GSDMC: variants seen among roughly 807,000 people sequenced by gnomAD.
GSDMC encodes gasdermin C.
GSDMC carries 59 observed loss-of-function variants against 58.0 expected under a neutral mutation model. That is an observed-to-expected ratio of 1.02 (90% CI 0.82 to 1.26). GSDMC has a LOEUF of 1.26. Among genes scored for constraint, GSDMC ranks in the 50% most tolerant of loss-of-function variants. GSDMC has a pLI of 0.00. For synonymous variants in GSDMC, 241 were observed against 220.2 expected (o/e 1.09, Z -0.83); for missense variants, 659 against 598.5 (o/e 1.10, Z -1.06).
the GSDMC span, chr8:129,729,928 T>C: frequency 6.9e-7 from 1 of 1,450,276 alleles, no homozygotes; most frequent in Non-Finnish European, 9.7e-7. Flanking sequence ...GATTTGAGAA[T>C]CAACACTAAG....
At chr8:129,734,806 A>C in the GSDMC span, among the ~76,000 whole-genome samples, 1 of 152,322 alleles carries the variant, frequency 6.6e-6, no homozygotes, top group South Asian at 2.1e-4. Context: ...AAATTCACAC[A>C]TAAAAATATT....
Position 129,748,758 on chromosome 8 carries a change from A to T in GSDMC, c.1288-18T>A. Reference sequence around the variant, plus strand: ...CTCCTTACCTAGAAGAAAGATGATCAGGTTCTACAGACCAGCCTTTAAGAT... The same window carrying T: ...CTCCTTACCTAGAAGAAAGATGATCTGGTTCTACAGACCAGCCTTTAAGAT... On this transcript the variant is annotated intron_variant, in intron 13 of 13. Coordinates refer to ENST00000276708, the MANE Select transcript of GSDMC (RefSeq NM_031415.3). 1.3e-6 allele frequency: 2 copies of T among 1,496,502 alleles called. No homozygotes were observed. The highest frequency in any genetic ancestry group is 1.8e-6 in the Non-Finnish European group (2 of 1,124,600). 92.7% of individuals were successfully genotyped at this position (1,496,502 alleles called of 1,614,324 possible).
At chr8:129,752,561 C>A in intron 7 of GSDMC, 137 bp downstream of exon 7, 1 of 1,327,224 alleles carries the variant, frequency 7.5e-7, no homozygotes, top group South Asian at 1.5e-5. Flanking sequence ...AAAACACTGC[C>A]AGAGGAGGAT....
At chr8:129,775,138 C>T (rs1563810941) in intron 3 of GSDMC, among the ~76,000 whole-genome samples, 1 of 152,148 alleles carries the variant, frequency 6.6e-6, no homozygotes, top group Non-Finnish European at 1.5e-5. Context: ...GCATTATTCA[C>T]AGAAACCAAG....
the GSDMC span, among the ~76,000 whole-genome samples, chr8:129,739,416 C>T: frequency 1.3e-5 from 2 of 152,184 alleles, no homozygotes; most frequent in Admixed American, 6.5e-5. Flanking sequence ...TGTATCTCTC[C>T]TTTTGAGAAA....
At chr8:129,739,887 G>T in the GSDMC span, among the ~76,000 whole-genome samples, 1 of 152,140 alleles carries the variant, frequency 6.6e-6, no homozygotes, top group African/African-American at 2.4e-5. Context: ...AGAAAGCCTT[G>T]TTATCCTAGG....
chr8:129,782,584 T>C (rs1030752430), intron 1 of GSDMC, among the ~76,000 whole-genome samples: 1 of 152,144 alleles, frequency 6.6e-6, no homozygotes, highest in South Asian at 2.1e-4. Context: ...TGAGCAACTA[T>C]ACACCAATAA....
the GSDMC span, among the ~76,000 whole-genome samples, chr8:129,740,794 T>C: frequency 6.6e-6 from 1 of 152,180 alleles, no homozygotes; most frequent in Non-Finnish European, 1.5e-5. Flanking sequence ...ATCCATAGGT[T>C]GTCTCTTCAC....
At chr8:129,717,801 T>C in the GSDMC span, among the ~76,000 whole-genome samples, 1 of 152,120 alleles carries the variant, frequency 6.6e-6, no homozygotes, top group African/African-American at 2.4e-5. Flanking sequence ...CAAAACAGTA[T>C]AGTACTGGTA....
the GSDMC span, among the ~76,000 whole-genome samples, chr8:129,724,045 G>T: frequency 1.3e-5 from 2 of 152,188 alleles, no homozygotes; most frequent in African/African-American, 4.8e-5. Flanking sequence ...GGAAAGCCAG[G>T]CTTGCTGTAT....
At chr8:129,767,115 A>G (rs988787710) in intron 3 of GSDMC, among the ~76,000 whole-genome samples, 1 of 152,008 alleles carries the variant, frequency 6.6e-6, no homozygotes, top group Admixed American at 6.6e-5. Context: ...ATCCTTAACC[A>G]GTGGTATAGC....
intron 6 of GSDMC, among the ~76,000 whole-genome samples, chr8:129,753,360 C>T (rs1270771353): frequency 1.3e-5 from 2 of 151,800 alleles, no homozygotes; most frequent in African/African-American, 2.4e-5. Context: ...CATTCCAAGC[C>T]CTAGCTCCTG....
the GSDMC span, among the ~76,000 whole-genome samples, chr8:129,717,154 C>T: frequency 6.6e-6 from 1 of 151,880 alleles, no homozygotes; most frequent in South Asian, 2.1e-4. Flanking sequence ...GGAGGAGCCC[C>T]TCTTTTTCTA....
In GSDMC at chr8:129,749,064, T is replaced by C. The variant is rs796783667; in HGVS notation, c.1288-324A>G. ...GGTATGTATTTATATACACATATAC[T>C]TGGAGAGAGAAAAACAGAGAAATTA... On this transcript the variant is annotated intron_variant, in intron 13 of 13. Transcript: ENST00000276708. Among the ~76,000 whole-genome samples the C allele has an allele frequency of 2.6e-5, 4 of 152,322 alleles. No individual in the cohort carries two copies. The East Asian group carries it at 7.7e-4, about 29-fold the overall frequency.
the GSDMC span, chr8:129,729,422 T>C: frequency 5.7e-6 from 2 of 353,462 alleles, no homozygotes; most frequent in African/African-American, 4.3e-5. Flanking sequence ...TAACTCATCA[T>C]TTACATTAGG....
the GSDMC span, among the ~76,000 whole-genome samples, chr8:129,718,332 AAAAC>A: frequency 2.0e-5 from 3 of 152,218 alleles, no homozygotes; most frequent in African/African-American, 7.2e-5. Context: ...TTACAAGAAA[AAAAC>A]AAACAACCCC....
At chr8:129,782,854 T>C (rs527302995) in intron 1 of GSDMC, among the ~76,000 whole-genome samples, 2 of 151,970 alleles carry the variant, frequency 1.3e-5, no homozygotes, top group South Asian at 4.1e-4. Context: ...TCCAAACTCA[T>C]TCTATGAGGC....
chr8:129,747,941 T>C (rs1175031615), downstream of GSDMC, among the ~76,000 whole-genome samples: 2 of 147,304 alleles, frequency 1.4e-5, no homozygotes, highest in Non-Finnish European at 3.1e-5. Flanking sequence ...TTGAGGAATA[T>C]GCACATACAC....
rs768709473 is a variant in GSDMC at position 129,762,750 on chromosome 8, C to G, written c.571-19G>C. 2 of 1,494,714 alleles carry G rather than the reference C, an allele frequency of 1.3e-6. No homozygotes were observed. The highest frequency in any genetic ancestry group is 2.8e-5 in the African/African-American group (2 of 72,582). The allele number at this position is 1,494,714 out of a possible 1,614,324, so 92.6% of individuals were successfully genotyped here. On this transcript the variant is annotated intron_variant, in intron 4 of 13. Coordinates refer to ENST00000276708, the MANE Select transcript of GSDMC (RefSeq NM_031415.3). ...CTTGACCCTGGGGAGAGAAACCAGA[C>G]AATACAGTATTAAATGTATGTAATT...
Sources: gnomAD v4.1 joint callset for allele counts (sites outside exome capture counted in the v4.1 genomes callset) on GRCh38, gnomAD v4.1.1 for gene constraint, MANE v1.5 for transcripts, NCBI Gene and HGNC (gene_info 2026-07-23, HGNC 2026-07-21) for gene names.